Variants in CHD9 observed in about 807,000 individuals in gnomAD.
The protein encoded by CHD9 is ATP-dependent chromatin remodeler CHD9.
Under a neutral mutation model 316.1 loss-of-function variants are expected in CHD9, and 77 were observed. The ratio of observed to expected loss-of-function variants is 0.24; its 90% CI spans 0.20 to 0.29. The LOEUF (loss-of-function observed/expected upper bound fraction) is 0.29. Ranked by LOEUF, CHD9 falls within the 10% of genes least tolerant of loss-of-function variation. The pLI, the probability that CHD9 is intolerant of heterozygous loss-of-function variation, is 1.00. For synonymous variants in CHD9, 1,129 were observed against 1,158.3 expected (o/e 0.97, Z 0.51); for missense variants, 2,763 against 3,438.1 (o/e 0.80, Z 4.91).
chr16:53,294,064 A>G (rs1288816996), intron 29 of CHD9, among the ~76,000 whole-genome samples: 1 of 152,234 alleles, frequency 6.6e-6, no homozygotes, highest in African/African-American at 2.4e-5. Context: ...TATGGAAAGC[A>G]TATGTTCCTT....
Position 53,156,688 on chromosome 16 carries a change from T to A in CHD9, c.599T>A (p.Met200Lys). Residue 200 changes from methionine (M) to lysine (K), a missense_variant, in exon 2 of 39, where the codon ATG becomes AAG. Transcript: ENST00000447540. ...TCTCTTAGCCAGTCTAAAAATTTTA[T>A]GAATGTTTCTGGTCCACATAGAGTC... ...QNSLSQSKNF[M>K]NVSGPHRVNV... 1 of 1,614,040 alleles carries A rather than the reference T, an allele frequency of 6.2e-7. No individual in the cohort carries two copies. The highest frequency in any genetic ancestry group is 8.5e-7 in the Non-Finnish European group (1 of 1,179,896).
At chr16:53,090,282 T>C (rs749488754) in intron 1 of CHD9, among the ~76,000 whole-genome samples, 4 of 152,296 alleles carry the variant, frequency 2.6e-5, no homozygotes, top group African/African-American at 9.6e-5. Flanking sequence ...CAAAATGAGC[T>C]TCCTGACCGA....
intron 2 of CHD9, among the ~76,000 whole-genome samples, chr16:53,170,073 G>A (rs1342335008): frequency 7.6e-6 from 1 of 131,276 alleles, no homozygotes; most frequent in Admixed American, 7.6e-5. Flanking sequence ...GTTTTTTTTT[G>A]GTGAGAATGC....
In CHD9 at chr16:53,157,337, T is replaced by G. The variant is rs2041588448; in HGVS notation, c.1248T>G (p.Pro416=). ...ACCTCCTTCAGGAGGGTCTTCTTCC[T>G]CACTTTGATGAGTCAACATTCGGAC... ...PEDLLQEGLL[P]HFDESTFGQD... The change falls in exon 2 of 39, where the codon CCT becomes CCG. Residue 416 remains proline (P), a synonymous_variant. Coordinates refer to ENST00000447540, the MANE Select transcript of CHD9 (RefSeq NM_001308319.2). 1 of 1,613,744 alleles carries G rather than the reference T, an allele frequency of 6.2e-7. No individual in the cohort carries two copies. Among genetic ancestry groups the G allele is most frequent in the Non-Finnish European group, 8.5e-7 (1 of 1,179,830 alleles).
intron 1 of CHD9, among the ~76,000 whole-genome samples, chr16:53,090,771 C>T (rs200875358): frequency 6.6e-6 from 1 of 152,178 alleles, no homozygotes; most frequent in African/African-American, 2.4e-5. Flanking sequence ...CTATGTTCTC[C>T]CACTTGGGGG....
chr16:53,291,888 C>A, intron 28 of CHD9, 121 bp downstream of exon 28: 1 of 567,248 alleles, frequency 1.8e-6, no homozygotes, highest in South Asian at 3.6e-5. Flanking sequence ...TATTGACTGC[C>A]ATTGTAATCG....
At chr16:53,055,252 G>C (rs2031920727) in intron 1 of CHD9, among the ~76,000 whole-genome samples, 175 bp downstream of exon 1, 1 of 152,088 alleles carries the variant, frequency 6.6e-6, no homozygotes, top group African/African-American at 2.4e-5. Context: ...GCTGGGCCTA[G>C]AGCAAGGCAG....
chr16:53,248,974 T>A (rs2049910408), intron 16 of CHD9, among the ~76,000 whole-genome samples: 3 of 152,218 alleles, frequency 2.0e-5, no homozygotes, highest in Non-Finnish European at 4.4e-5. Context: ...AGCCTCATTT[T>A]AAAATGTATA....
chr16:53,196,194 G>C (rs35925303), intron 2 of CHD9, among the ~76,000 whole-genome samples: 19,090 of 152,056 alleles, frequency 0.13, 1,338 homozygotes, highest in South Asian at 0.23. Flanking sequence ...GCTCTCATCT[G>C]CATGTGTTTG....
chr16:53,109,917 C>T (rs1265143272), intron 1 of CHD9, among the ~76,000 whole-genome samples: 2 of 151,922 alleles, frequency 1.3e-5, no homozygotes, highest in Non-Finnish European at 2.9e-5. Context: ...ATCTCCTGAT[C>T]TCATGATCCG....
chr16:53,311,335 G>A (rs972690659), intron 34 of CHD9: 1 of 151,972 alleles, frequency 6.6e-6, no homozygotes, highest in East Asian at 1.9e-4. Flanking sequence ...TGTTACTTTT[G>A]GGAAATCTGT....
intron 2 of CHD9, among the ~76,000 whole-genome samples, chr16:53,200,435 G>A (rs976127987): frequency 6.7e-5 from 10 of 150,082 alleles, no homozygotes; most frequent in East Asian, 2.0e-4. Context: ...TGTAATCCCC[G>A]CTACTTGGGA....
intron 1 of CHD9, among the ~76,000 whole-genome samples, chr16:53,067,203 A>G (rs934381384): frequency 2.0e-5 from 3 of 152,166 alleles, no homozygotes; most frequent in Non-Finnish European, 1.5e-5. Flanking sequence ...TCGACTTCCC[A>G]AAGTGTTGGG....
chr16:53,226,262 G>T (rs1240297827), intron 4 of CHD9, 104 bp from the exon 5 acceptor site: 1 of 702,384 alleles, frequency 1.4e-6, no homozygotes. Flanking sequence ...TGAGTGTCAT[G>T]TTGAAAATTT....
chr16:53,114,930 ATT>A (rs2038175044), intron 1 of CHD9, among the ~76,000 whole-genome samples: 2 of 152,052 alleles, frequency 1.3e-5, no homozygotes, highest in South Asian at 4.1e-4. Flanking sequence ...TATTTGATTG[ATT>A]GATTGATTGA....
chr16:53,078,288 A>T (rs1355122401), intron 1 of CHD9, among the ~76,000 whole-genome samples: 1 of 152,164 alleles, frequency 6.6e-6, no homozygotes, highest in Non-Finnish European at 1.5e-5. Context: ...TGATTAGGTC[A>T]TAAGAGTAGA....
rs188309306 is a variant in CHD9, at chr16:53,106,009, A to G, written c.-164-49917A>G. On this transcript the variant is annotated intron_variant, in intron 1 of 38. Coordinates refer to ENST00000447540, the MANE Select transcript of CHD9 (RefSeq NM_001308319.2). ...GGCTAATTTTTTGTATCTTTAGTAG[A>G]GATGGGGTTTCACCATGTTGACCAG... 2.6e-5 allele frequency among the ~76,000 whole-genome samples: 4 copies of G among 152,152 alleles called. No homozygotes were observed. The East Asian group carries it at 7.7e-4, about 29-fold the overall frequency.
intron 33 of CHD9, among the ~76,000 whole-genome samples, chr16:53,308,284 C>T (rs373325358): frequency 3.3e-5 from 5 of 151,922 alleles, no homozygotes; most frequent in African/African-American, 9.7e-5. Context: ...TTTAGCATGC[C>T]CTGTTATCAG....
At chr16:53,265,976 G>GTT (rs536020046) in intron 20 of CHD9, among the ~76,000 whole-genome samples, 3 of 139,538 alleles carry the variant, frequency 2.1e-5, no homozygotes, top group East Asian at 4.2e-4. Context: ...TTAGTTTTTT[G>GTT]TTTTTTTTTT....
Sources: allele counts gnomAD v4.1 joint callset (sites outside exome capture counted in the v4.1 genomes callset), GRCh38; gene constraint gnomAD v4.1.1; transcripts MANE v1.5; gene names NCBI Gene and HGNC (gene_info 2026-07-23, HGNC 2026-07-21).